CNBD1: variants seen among roughly 807,000 people sequenced by gnomAD.
CNBD1 encodes the protein cyclic nucleotide-binding domain-containing protein 1.
Under a neutral mutation model 54.4 loss-of-function variants are expected in CNBD1, and 71 were observed. The ratio of observed to expected loss-of-function variants is 1.30; its 90% CI spans 1.08 to 1.59. The LOEUF is 1.59. CNBD1 is among the 40% of genes most tolerant of loss of function. The pLI is 0.00. For synonymous variants in CNBD1, 182 were observed against 170.7 expected (o/e 1.07, Z -0.51); for missense variants, 659 against 518.0 (o/e 1.27, Z -2.64).
At chr8:87,071,615 T>C (rs2130652580) in intron 4 of CNBD1, among the ~76,000 whole-genome samples, 1 of 152,076 alleles carries the variant, frequency 6.6e-6, no homozygotes, top group Non-Finnish European at 1.5e-5. Flanking sequence ...TGAGGTAGGG[T>C]GGTGGTAGTG....
chr8:87,313,645 T>C (rs1809317198), intron 8 of CNBD1, among the ~76,000 whole-genome samples: 1 of 151,924 alleles, frequency 6.6e-6, no homozygotes, highest in Non-Finnish European at 1.5e-5. Context: ...GATGTTTTTT[T>C]CTTCTTCTCA....
At chr8:87,358,456 T>C (rs533278046) in intron 10 of CNBD1, among the ~76,000 whole-genome samples, 1 of 152,244 alleles carries the variant, frequency 6.6e-6, no homozygotes, top group East Asian at 1.9e-4. Context: ...TATATAATAA[T>C]ATGTTTTTTC....
intron 3 of CNBD1, among the ~76,000 whole-genome samples, chr8:86,914,459 G>A (rs1809151437): frequency 6.6e-6 from 1 of 152,180 alleles, no homozygotes; most frequent in Non-Finnish European, 1.5e-5. Flanking sequence ...GTGTATAGCA[G>A]GCTATACCAT....
chr8:87,219,782 A>G (rs1362257385), intron 5 of CNBD1, among the ~76,000 whole-genome samples: 2 of 152,118 alleles, frequency 1.3e-5, no homozygotes, highest in South Asian at 2.1e-4. Flanking sequence ...GAACCAAACA[A>G]TGTTAAAATA....
intron 4 of CNBD1, among the ~76,000 whole-genome samples, chr8:87,133,077 T>C (rs777589252): frequency 2.0e-5 from 3 of 149,068 alleles, no homozygotes; most frequent in Admixed American, 6.7e-5. Flanking sequence ...TTATACTTTT[T>C]AGTTCTATAA....
intron 5 of CNBD1, among the ~76,000 whole-genome samples, chr8:87,215,183 C>T (rs1416510197): frequency 1.3e-5 from 2 of 152,160 alleles, no homozygotes; most frequent in Non-Finnish European, 2.9e-5. Flanking sequence ...CATGCCAAAA[C>T]TTGTGTAGAC....
intron 2 of CNBD1, among the ~76,000 whole-genome samples, chr8:87,423,590 G>T (rs200461122): frequency 6.7e-6 from 1 of 148,200 alleles, no homozygotes; most frequent in African/African-American, 2.6e-5. Context: ...ATTGATTTGC[G>T]TATATTGAAC....
At chr8:87,265,013 C>G (rs926340159) in intron 6 of CNBD1, among the ~76,000 whole-genome samples, 2 of 152,042 alleles carry the variant, frequency 1.3e-5, no homozygotes, top group Admixed American at 1.3e-4. Flanking sequence ...AATTAGATCC[C>G]CTTTGTCAAT....
At position 87,213,874 on chromosome 8, in the gene CNBD1, C is replaced by A. The variant is rs144297052; in HGVS notation, c.577+7736C>A. On this transcript the variant is annotated intron_variant, in intron 5 of 10. Coordinates refer to ENST00000518476, the MANE Select transcript of CNBD1 (RefSeq NM_173538.3). ...AGCCTGTAAAATCAAAAGCAAATTT[C>A]TTACTTCCTAGATACAATCAGGGTA... Among the ~76,000 whole-genome samples the A allele has an allele frequency of 3.5e-3, 530 of 152,296 alleles. 4 individuals carry two copies. The highest frequency in any genetic ancestry group is 0.012 in the African/African-American group (509 of 41,550).
chr8:87,285,103 A>T (rs2130870237), intron 7 of CNBD1, among the ~76,000 whole-genome samples: 1 of 152,242 alleles, frequency 6.6e-6, no homozygotes, highest in African/African-American at 2.4e-5. Context: ...TCACTCATTC[A>T]TTCAACAAAT....
intron 6 of CNBD1, among the ~76,000 whole-genome samples, chr8:87,265,660 GTC>G (rs1209413338): frequency 6.6e-6 from 1 of 152,050 alleles, no homozygotes; most frequent in Non-Finnish European, 1.5e-5. Flanking sequence ...CTAGGCTGCA[GTC>G]TCTTTTTCTT....
chr8:87,060,914 C>G (rs181502550), intron 4 of CNBD1, among the ~76,000 whole-genome samples: 1 of 152,096 alleles, frequency 6.6e-6, no homozygotes, highest in Admixed American at 6.5e-5. Flanking sequence ...GAGGAAGAAG[C>G]TGGTCACCAA....
At chr8:87,287,831 C>T (rs1808725308) in intron 8 of CNBD1, among the ~76,000 whole-genome samples, 1 of 152,080 alleles carries the variant, frequency 6.6e-6, no homozygotes, top group Non-Finnish European at 1.5e-5. Flanking sequence ...TCCAAATTTC[C>T]TTCTACTGCT....
chr8:87,135,540 A>C (rs1812210026), intron 4 of CNBD1, among the ~76,000 whole-genome samples: 1 of 149,768 alleles, frequency 6.7e-6, no homozygotes, highest in Admixed American at 6.7e-5. Context: ...AAGGGGAAAA[A>C]TGTTTGTCAT....
intron 5 of CNBD1, among the ~76,000 whole-genome samples, chr8:87,207,867 C>T (rs998632330): frequency 7.2e-5 from 11 of 152,168 alleles, no homozygotes; most frequent in Admixed American, 5.2e-4. Flanking sequence ...TCTGTGTTTA[C>T]ACCTACCTGT....
At chr8:87,372,148 T>A (rs1473334622) in intron 10 of CNBD1, among the ~76,000 whole-genome samples, 1 of 152,054 alleles carries the variant, frequency 6.6e-6, no homozygotes, top group Non-Finnish European at 1.5e-5. Context: ...AGTCTCAGGA[T>A]ACAAAATCAA....
At chr8:86,872,748 G>C (rs537457019) in intron 1 of CNBD1, among the ~76,000 whole-genome samples, 3 of 152,142 alleles carry the variant, frequency 2.0e-5, no homozygotes, top group East Asian at 3.9e-4. Flanking sequence ...CAGGCCCTTT[G>C]CCCATTTTTC....
At chr8:87,314,575 T>C (rs7013451) in intron 8 of CNBD1, among the ~76,000 whole-genome samples, 142 of 150,950 alleles carry the variant, frequency 9.4e-4, no homozygotes, top group Non-Finnish European at 1.3e-3. Flanking sequence ...ACTAAAATAG[T>C]AAATATGAAA....
chr8:87,362,600 A>T (rs1441257789), intron 10 of CNBD1, among the ~76,000 whole-genome samples: 1 of 152,022 alleles, frequency 6.6e-6, no homozygotes, highest in Admixed American at 6.6e-5. Flanking sequence ...CATTCTACCA[A>T]AGATGGCCAT....
Sources: allele counts gnomAD v4.1 joint callset (sites outside exome capture counted in the v4.1 genomes callset), GRCh38; gene constraint gnomAD v4.1.1; transcripts MANE v1.5; gene names NCBI Gene and HGNC (gene_info 2026-07-23, HGNC 2026-07-21).